The following CASZ1 variants were observed in gnomAD, a reference collection of about 807,000 sequenced individuals.
CASZ1 encodes the protein castor zinc finger 1, also known as zinc finger protein castor homolog 1.
In CASZ1, 28 loss-of-function variants were observed where a neutral mutation model predicts 135.2. The observed-to-expected ratio is 0.21, with a 90% CI of 0.15 to 0.28. The LOEUF (loss-of-function observed/expected upper bound fraction) is 0.28, where lower values mean the gene tolerates loss of function less well. Ranked by LOEUF, CASZ1 falls within the 10% of genes least tolerant of loss-of-function variation. The probability of loss-of-function intolerance (pLI) is 1.00; values close to 1 mark genes in which losing one functional copy is unlikely to be tolerated. For missense variants in CASZ1, 2,161 were observed against 2,453.3 expected, an observed-to-expected ratio of 0.88 and a Z score of 2.52; for synonymous variants, 1,068 against 1,073.4, an observed-to-expected ratio of 0.99 and a Z score of 0.10.
At chr1:10,672,502 G>A (rs937908299) in intron 4 of CASZ1, among the ~76,000 whole-genome samples, 2 of 120,798 alleles carry the variant, frequency 1.7e-5, no homozygotes, top group African/African-American at 3.3e-5. Flanking sequence ...CCCCCTCCCC[G>A]GGCCCAATCT....
intron 1 of CASZ1, among the ~76,000 whole-genome samples, chr1:10,789,027 G>A (rs1056699422): frequency 6.6e-6 from 1 of 152,170 alleles, no homozygotes; most frequent in African/African-American, 2.4e-5. Flanking sequence ...AAGGGGGAGC[G>A]TGGGGTGGGA....
At chr1:10,696,569 G>A (rs1638938846) in intron 3 of CASZ1, among the ~76,000 whole-genome samples, 2 of 152,210 alleles carry the variant, frequency 1.3e-5, no homozygotes, top group African/African-American at 4.8e-5. Flanking sequence ...CCAAAGCAAG[G>A]CATCGTAACA....
chr1:10,667,020 G>A (rs1050789506), intron 4 of CASZ1, among the ~76,000 whole-genome samples: 1 of 152,196 alleles, frequency 6.6e-6, no homozygotes, highest in Admixed American at 6.5e-5. Flanking sequence ...ACATAGGCGG[G>A]AAGGCTGAGG....
In CASZ1 at chr1:10,757,681, G is replaced by A. The variant is rs1640285658; in HGVS notation, c.-77+3020C>T. Among the ~76,000 whole-genome samples, 1 of 152,128 alleles carries A rather than the reference G, an allele frequency of 6.6e-6. No individual in the cohort carries two copies. The highest frequency in any genetic ancestry group is 2.4e-5 in the African/African-American group (1 of 41,416). ...CGCTTGCCTATAATCCCAGCCACTC[G>A]AGAGGCTGAGGCAGGAGAATCACCT... On this transcript the variant is annotated intron_variant, in intron 2 of 20. Coordinates refer to ENST00000377022, the MANE Select transcript of CASZ1 (RefSeq NM_001079843.3). This position sits in a 1 kb window ranked among gnomAD's most constrained non-coding sequence, Gnocchi z 4.6.
chr1:10,651,388 T>G, intron 11 of CASZ1: 1 of 243,934 alleles, frequency 4.1e-6, no homozygotes, highest in Non-Finnish European at 7.7e-6. Context: ...CACAGTCGAT[T>G]TGTGGGGCTG....
At position 10,679,997 on chromosome 1, in the gene CASZ1, T is replaced by C. The variant is rs896381469; in HGVS notation, c.16+13877A>G. Among the ~76,000 whole-genome samples the C allele has an allele frequency of 3.0e-4, 45 of 152,002 alleles. No individual in the cohort carries two copies. The highest frequency in any genetic ancestry group is 1.1e-3 in the African/African-American group (44 of 41,372). On this transcript the variant is annotated intron_variant, in intron 4 of 20. Transcript: ENST00000377022. The surrounding 1 kb of genome is among the most constrained non-coding windows in gnomAD (Gnocchi z 4.7). ...CCTTAGGGGACTCCTGGCTGGACTC[T>C]AGGGGGTCTGGACTGAGAAGGGGTG...
In CASZ1 at chr1:10,653,870, G is replaced by A. The variant is rs1348739841; in HGVS notation, c.2187C>T (p.Ser729=). Residue 729 remains serine, a synonymous_variant, in exon 11 of 21, where the codon TCC becomes TCT. Coordinates refer to ENST00000377022, the MANE Select transcript of CASZ1 (RefSeq NM_001079843.3). ...GGCTGGAGTTCTTGCTGCTCAGGGC[G>A]GAGAAGTCAACAAGGTCGTCGTTGC... ...ESSNDDLVDF[S]ALSSKNSSLS... The A allele has an allele frequency of 2.0e-5, 32 of 1,612,926 alleles. 1 individual carries two copies. Among genetic ancestry groups the A allele is most frequent in the Non-Finnish European group, 2.5e-5 (29 of 1,179,452 alleles).
rs1049940865 is a variant in CASZ1, at chr1:10,637,340, C to T, written c.*1602G>A. ...ATTTCCTGTTGAATCAGGTACGCTCCGTGCGACCACTCCTCCCTCCCTGCT... is the reference window on the plus strand; with the variant it reads ...ATTTCCTGTTGAATCAGGTACGCTCTGTGCGACCACTCCTCCCTCCCTGCT... On this transcript the variant is annotated 3_prime_UTR_variant, in exon 21 of 21. Coordinates refer to ENST00000377022, the MANE Select transcript of CASZ1 (RefSeq NM_001079843.3). The T allele has an allele frequency of 9.2e-5, 14 of 152,580 alleles. No homozygotes were observed. Among genetic ancestry groups the T allele is most frequent in the African/African-American group, 2.9e-4 (12 of 41,422 alleles). 9.5% of individuals were successfully genotyped at this position (152,580 alleles called of 1,614,324 possible). A position where few individuals can be genotyped will look rare whatever the true frequency, so the allele number is the denominator to read the frequency against.
chr1:10,706,912 T>G lies in CASZ1; in HGVS notation c.-76-1368A>C. 1.4e-5 allele frequency among the ~76,000 whole-genome samples: 2 copies of G among 139,054 alleles called. No homozygotes were observed. Among genetic ancestry groups the G allele is most frequent in the African/African-American group, 2.7e-5 (1 of 37,186 alleles). 91.2% of individuals were successfully genotyped at this position (139,054 alleles called of 152,430 possible). A position where few individuals can be genotyped will look rare whatever the true frequency, so the allele number is the denominator to read the frequency against. ...GGGGGCGGTAGAGAGGATGGGGGGC[T>G]GTGTAAAGGGGGAATAAGGAAAAGA... On this transcript the variant is annotated intron_variant, in intron 2 of 20. Transcript: ENST00000377022. This position sits in a 1 kb window ranked among gnomAD's most constrained non-coding sequence, Gnocchi z 4.3.
chr1:10,742,933 C>T (rs61777971), intron 2 of CASZ1, among the ~76,000 whole-genome samples: 4,115 of 151,920 alleles, frequency 0.027, 92 homozygotes, highest in Middle Eastern at 0.051. Flanking sequence ...TGCAGTGAGC[C>T]GAGATCACGC....
intron 5 of CASZ1, among the ~76,000 whole-genome samples, chr1:10,663,704 G>T (rs2100282226): frequency 6.6e-6 from 1 of 152,372 alleles, no homozygotes; most frequent in East Asian, 1.9e-4. Flanking sequence ...TGGCTTGGGG[G>T]CCGAGCCCAC....
In CASZ1 at chr1:10,788,670, C is replaced by T. The variant is rs963718378; in HGVS notation, c.-234+7894G>A. On this transcript the variant is annotated intron_variant, in intron 1 of 20. Transcript: ENST00000377022. The surrounding 1 kb of genome is among the most constrained non-coding windows in gnomAD (Gnocchi z 4.1). ...CGGAGACCACAGGCAGGACTCCAGT[C>T]GTCTTGGCAGCAAGTGTCCCTGACC... Among the ~76,000 whole-genome samples, 19 of 152,182 alleles carry T rather than the reference C, an allele frequency of 1.2e-4. No individual in the cohort carries two copies. The highest frequency in any genetic ancestry group is 2.5e-4 in the Non-Finnish European group (17 of 68,024).
At chr1:10,648,365 C>A (rs1392759218) in intron 15 of CASZ1, 7 of 476,948 alleles carry the variant, frequency 1.5e-5, no homozygotes, top group Middle Eastern at 5.3e-4. Flanking sequence ...CTAACCATGC[C>A]TTCCTACTTG....
intron 4 of CASZ1, among the ~76,000 whole-genome samples, chr1:10,669,821 C>T (rs1194184130): frequency 2.6e-5 from 4 of 152,106 alleles, no homozygotes; most frequent in South Asian, 2.1e-4. Context: ...CCTCCCCAGC[C>T]GTGAGTAATG....
At chr1:10,667,640 G>A (rs917589725) in intron 4 of CASZ1, among the ~76,000 whole-genome samples, 4 of 152,204 alleles carry the variant, frequency 2.6e-5, no homozygotes, top group African/African-American at 9.7e-5. Flanking sequence ...TGCCCTGGAT[G>A]GGGAAGGGAA....
chr1:10,663,601 G>A (rs1191002539), intron 5 of CASZ1, among the ~76,000 whole-genome samples: 1 of 152,210 alleles, frequency 6.6e-6, no homozygotes, highest in African/African-American at 2.4e-5. Context: ...AACAGGCTTC[G>A]AAGGGCAGGC....
intron 4 of CASZ1, among the ~76,000 whole-genome samples, chr1:10,668,328 G>A (rs1315126932): frequency 3.3e-5 from 5 of 152,134 alleles, no homozygotes; most frequent in African/African-American, 9.7e-5. Context: ...TATAAACGCC[G>A]TGGCCAGGCC....
In CASZ1 at chr1:10,676,249, C is replaced by T. The variant is rs977378607; in HGVS notation, c.17-10678G>A. Among the ~76,000 whole-genome samples, 8 of 152,160 alleles carry T rather than the reference C, an allele frequency of 5.3e-5. No homozygotes were observed. The East Asian group carries it at 1.4e-3, about 26-fold the overall frequency. On this transcript the variant is annotated intron_variant, in intron 4 of 20. Coordinates refer to ENST00000377022, the MANE Select transcript of CASZ1 (RefSeq NM_001079843.3). This position sits in a 1 kb window ranked among gnomAD's most constrained non-coding sequence, Gnocchi z 4.5. ...GCCCTGCTGGACTGGCCCGGACCCCCGTCCCCCATGCTGCTTCTCATTCCC... is the reference window on the plus strand; with the variant it reads ...GCCCTGCTGGACTGGCCCGGACCCCTGTCCCCCATGCTGCTTCTCATTCCC...
Position 10,656,684 on chromosome 1 carries a change from C to T in CASZ1, c.1462G>A (p.Glu488Lys). 6.2e-7 allele frequency: 1 copy of T among 1,604,044 alleles called. No homozygotes were observed. The highest frequency in any genetic ancestry group is 8.5e-7 in the Non-Finnish European group (1 of 1,176,174). ...GHIHCAYQYR[E>K]HYHCLDPECN... ...TCAGGGTCAAGGCAGTGGTAGTGCTCGCGGTACTGGTAGGCACAGTGGATG... is the reference window on the plus strand; with the variant it reads ...TCAGGGTCAAGGCAGTGGTAGTGCTTGCGGTACTGGTAGGCACAGTGGATG... Residue 488 changes from glutamate (E) to lysine (K), a missense_variant, in exon 8 of 21, where the codon GAG (glutamate) becomes AAG (lysine). Physicochemically the swap from Glu to Lys is moderately conservative, Grantham distance 56. This residue lies in a region of CASZ1 where 248 missense variants were observed against 410.8 expected (regional missense o/e 0.60). Transcript: ENST00000377022.
Sources: gnomAD v4.1 joint callset for allele counts (sites outside exome capture counted in the v4.1 genomes callset) on GRCh38, gnomAD v4.1.1 for gene constraint, gnomAD v4.1.1 regional missense constraint, Gnocchi (gnomAD v3.1) non-coding constraint, MANE v1.5 for transcripts, NCBI Gene and HGNC (gene_info 2026-07-23, HGNC 2026-07-21) for gene names.